The following SNTG1 variants were observed in gnomAD, a reference collection of about 807,000 sequenced individuals.
SNTG1 encodes the protein syntrophin gamma 1.
In SNTG1, 39 loss-of-function variants were observed where a neutral mutation model predicts 74.7. That is an observed-to-expected ratio of 0.52 (90% CI 0.40 to 0.68). The LOEUF (loss-of-function observed/expected upper bound fraction) is 0.68. SNTG1 is among the 30% of genes least tolerant of loss of function. The probability of loss-of-function intolerance (pLI) is 0.00; values close to 1 mark genes in which losing one functional copy is unlikely to be tolerated. For synonymous variants in SNTG1, 254 were observed against 217.1 expected (o/e 1.17, Z -1.49); for missense variants, 685 against 609.5 (o/e 1.12, Z -1.30).
chr8:50,398,721 G>A (rs190280773), intron 3 of SNTG1, among the ~76,000 whole-genome samples: 17 of 152,312 alleles, frequency 1.1e-4, no homozygotes, highest in African/African-American at 3.6e-4. Flanking sequence ...GAGGTCAGGC[G>A]TTCGAGACCA....
chr8:50,502,327 C>T (rs189193656), intron 8 of SNTG1, among the ~76,000 whole-genome samples: 54 of 152,174 alleles, frequency 3.5e-4, no homozygotes, highest in African/African-American at 1.2e-3. Flanking sequence ...TTATGCTTTT[C>T]GAATCATTTT....
rs774363405 is a variant in SNTG1 at position 50,536,713 on chromosome 8, A to G, written c.585A>G (p.Pro195=). The change falls in exon 11 of 19, where the codon CCA becomes CCG. Residue 195 remains proline, a synonymous_variant. Transcript: ENST00000642720. ...TLSCSSWPTS[P]GLRWEKRWCD... ...CATGCTCGTCGTGGCCGACGTCTCCAGGCTTGAGGTGGGAGAAGCGATGGT... is the reference window on the plus strand; with the variant it reads ...CATGCTCGTCGTGGCCGACGTCTCCGGGCTTGAGGTGGGAGAAGCGATGGT... The G allele has an allele frequency of 6.2e-7, 1 of 1,613,948 alleles. No individual in the cohort carries two copies. The highest frequency in any genetic ancestry group is 1.1e-5 in the South Asian group (1 of 91,070).
intron 1 of SNTG1, among the ~76,000 whole-genome samples, chr8:49,932,592 C>T (rs867648180): frequency 1.3e-5 from 2 of 151,490 alleles, no homozygotes; most frequent in Non-Finnish European, 2.9e-5. Flanking sequence ...TATTTGATCC[C>T]TGTTGTTTTT....
At chr8:50,066,943 AAAG>A (rs1479676167) in intron 1 of SNTG1, among the ~76,000 whole-genome samples, 1 of 152,240 alleles carries the variant, frequency 6.6e-6, no homozygotes, top group Non-Finnish European at 1.5e-5. Context: ...CCACTGGAAA[AAAG>A]AAGGACGATG....
intron 17 of SNTG1, among the ~76,000 whole-genome samples, chr8:50,723,789 A>G (rs962605855): frequency 4.1e-5 from 5 of 121,938 alleles, no homozygotes; most frequent in Non-Finnish European, 6.0e-5. Context: ...AGGCCTATGG[A>G]AAAAAAAAAG....
chr8:50,713,659 T>C (rs1008191789), intron 17 of SNTG1, among the ~76,000 whole-genome samples: 1 of 152,192 alleles, frequency 6.6e-6, no homozygotes, highest in Non-Finnish European at 1.5e-5. Context: ...GTCTTACGTT[T>C]AAGTCTTTAA....
intron 12 of SNTG1, among the ~76,000 whole-genome samples, chr8:50,577,469 T>G (rs1017561427): frequency 1.3e-5 from 2 of 151,638 alleles, no homozygotes; most frequent in Non-Finnish European, 2.9e-5. Context: ...TTGTTTTTTT[T>G]TTTCTTCTGG....
chr8:50,581,208 A>G (rs1399381088), intron 12 of SNTG1, among the ~76,000 whole-genome samples: 2 of 152,226 alleles, frequency 1.3e-5, no homozygotes, highest in Admixed American at 6.5e-5. Context: ...TTTGTGTTAA[A>G]TGATAAATGG....
intron 1 of SNTG1, among the ~76,000 whole-genome samples, chr8:50,043,790 C>T (rs555130835): frequency 6.6e-6 from 1 of 152,272 alleles, no homozygotes; most frequent in South Asian, 2.1e-4. Flanking sequence ...GATAAGCACT[C>T]TTGTGCGTGC....
intron 11 of SNTG1, among the ~76,000 whole-genome samples, chr8:50,544,782 C>G (rs760105610): frequency 6.6e-6 from 1 of 152,024 alleles, no homozygotes; most frequent in Non-Finnish European, 1.5e-5. Flanking sequence ...CTCATTCACT[C>G]AACCAATATT....
At chr8:50,524,143 T>C (rs1400724404) in intron 9 of SNTG1, among the ~76,000 whole-genome samples, 1 of 152,118 alleles carries the variant, frequency 6.6e-6, no homozygotes, top group Non-Finnish European at 1.5e-5. Flanking sequence ...CTTATAGGTA[T>C]TTCTGTGACT....
At chr8:50,479,695 G>C (rs923212746) in intron 8 of SNTG1, among the ~76,000 whole-genome samples, 7 of 152,018 alleles carry the variant, frequency 4.6e-5, no homozygotes, top group Admixed American at 1.3e-4. Flanking sequence ...GGTGGACTCT[G>C]GGCCCCTGTG....
rs869119447 is a variant in SNTG1 at position 50,462,796 on chromosome 8, C to CTTTTTTTTTT, written c.363+12097_363+12106dup. On this transcript the variant is annotated intron_variant, in intron 8 of 18. Coordinates refer to ENST00000642720, the MANE Select transcript of SNTG1 (RefSeq NM_018967.5). Reference sequence around the variant, plus strand: ...CTCAGTCGCATCTTCAGGTTCTACTCTTTTTTTTTTTTTTTTTTTTTTTTT... The same window carrying CTTTTTTTTTT: ...CTCAGTCGCATCTTCAGGTTCTACTCTTTTTTTTTTTTTTTTTTTTTTTTTTTTTTTTTTT... Among the ~76,000 whole-genome samples, 30 of 57,448 alleles carry CTTTTTTTTTT rather than the reference C, an allele frequency of 5.2e-4. 3 individuals carry two copies. Among genetic ancestry groups the CTTTTTTTTTT allele is most frequent in the Non-Finnish European group, 6.5e-4 (18 of 27,776 alleles). The allele number at this position is 57,448 out of a possible 152,430, so 37.7% of individuals were successfully genotyped here. A position where few individuals can be genotyped will look rare whatever the true frequency, so the allele number is the denominator to read the frequency against.
At chr8:50,625,652 A>G (rs1432783722) in intron 13 of SNTG1, among the ~76,000 whole-genome samples, 1 of 152,224 alleles carries the variant, frequency 6.6e-6, no homozygotes, top group Non-Finnish European at 1.5e-5. Context: ...GCTAAAAGTA[A>G]ATGAATACTT....
chr8:50,199,564 G>A (rs1290183233), intron 2 of SNTG1, among the ~76,000 whole-genome samples: 1 of 152,144 alleles, frequency 6.6e-6, no homozygotes, highest in Non-Finnish European at 1.5e-5. Context: ...AACCAACGTG[G>A]AGTTGAGCCC....
chr8:50,571,951 T>TGGTC (rs2094551269), intron 12 of SNTG1, among the ~76,000 whole-genome samples: 1 of 152,034 alleles, frequency 6.6e-6, no homozygotes, highest in Non-Finnish European at 1.5e-5. Flanking sequence ...GGAGCAGAGG[T>TGGTC]GGTCACACAC....
chr8:50,546,982 C>T (rs2130537915), intron 11 of SNTG1, among the ~76,000 whole-genome samples: 1 of 152,038 alleles, frequency 6.6e-6, no homozygotes, highest in East Asian at 1.9e-4. Flanking sequence ...GGGGTTTTGC[C>T]ATGTTGGCCA....
At chr8:50,736,860 C>T (rs2095530136) in intron 17 of SNTG1, among the ~76,000 whole-genome samples, 1 of 151,830 alleles carries the variant, frequency 6.6e-6, no homozygotes. Flanking sequence ...TTATTTGAAT[C>T]CACTGAGAAT....
intron 1 of SNTG1, among the ~76,000 whole-genome samples, chr8:50,067,918 T>C (rs181118671): frequency 6.6e-6 from 1 of 152,306 alleles, no homozygotes; most frequent in Non-Finnish European, 1.5e-5. Context: ...CAGATATCTT[T>C]CATGCAAATT....
Sources: gnomAD v4.1 joint callset for allele counts (sites outside exome capture counted in the v4.1 genomes callset) on GRCh38, gnomAD v4.1.1 for gene constraint, MANE v1.5 for transcripts, NCBI Gene and HGNC (gene_info 2026-07-23, HGNC 2026-07-21) for gene names.